The following SP4 variants were observed in gnomAD, a reference collection of about 807,000 sequenced individuals.
SP4 encodes the protein transcription factor Sp4.
In SP4, 19 loss-of-function variants were observed where a neutral mutation model predicts 72.8. That is an observed-to-expected ratio of 0.26 (90% confidence interval 0.18 to 0.38). SP4 has a LOEUF of 0.38. Ranked by LOEUF, SP4 falls within the 10% of genes least tolerant of loss-of-function variation. The probability of loss-of-function intolerance (pLI) is 1.00; values close to 1 mark genes in which losing one functional copy is unlikely to be tolerated. For missense variants in SP4, 1,008 were observed against 926.3 expected (o/e 1.09, Z -1.14); for synonymous variants, 395 against 333.1 (o/e 1.19, Z -2.02).
intron 3 of SP4, among the ~76,000 whole-genome samples, chr7:21,452,187 A>G (rs902412132): frequency 6.6e-6 from 1 of 152,240 alleles, no homozygotes; most frequent in Admixed American, 6.5e-5. Context: ...ATTTTTATTA[A>G]GAACAAATTA....
At chr7:21,462,051 C>G (rs113372304) in intron 3 of SP4, among the ~76,000 whole-genome samples, 1 of 125,852 alleles carries the variant, frequency 7.9e-6, no homozygotes, top group African/African-American at 3.1e-5. Context: ...TTTTTGAAGA[C>G]AGGATCTCAC....
At chr7:21,462,582 T>G (rs1340392187) in intron 3 of SP4, among the ~76,000 whole-genome samples, 4 of 151,806 alleles carry the variant, frequency 2.6e-5, no homozygotes, top group African/African-American at 9.7e-5. Context: ...ATCTGGAGAT[T>G]GGTCCTGAGA....
intron 3 of SP4, among the ~76,000 whole-genome samples, chr7:21,476,449 T>A (rs979192814): frequency 1.3e-5 from 2 of 152,130 alleles, no homozygotes; most frequent in Admixed American, 6.6e-5. Context: ...ATAACATGAA[T>A]GAATAAAGTA....
chr7:21,498,374 C>T (rs1257833836), intron 5 of SP4, among the ~76,000 whole-genome samples: 2 of 152,114 alleles, frequency 1.3e-5, no homozygotes, highest in Non-Finnish European at 2.9e-5. Flanking sequence ...GTCCTGGGAC[C>T]AATCCTAGTG....
intron 3 of SP4, among the ~76,000 whole-genome samples, chr7:21,460,985 C>A (rs6968904): frequency 0.16 from 23,617 of 150,852 alleles, 3,855 homozygotes; most frequent in East Asian, 0.62. Flanking sequence ...TGGTGCATTT[C>A]CAAACCTTGA....
At chr7:21,470,990 G>A in intron 3 of SP4, 1 of 515,134 alleles carries the variant, frequency 1.9e-6, no homozygotes, top group Non-Finnish European at 4.0e-6. Context: ...TCTGTAAGAT[G>A]AATAGACTTT....
At chr7:21,477,677 A>C (rs560619268) in intron 4 of SP4, among the ~76,000 whole-genome samples, 1 of 151,784 alleles carries the variant, frequency 6.6e-6, no homozygotes, top group South Asian at 2.1e-4. Flanking sequence ...GCTGGGATTA[A>C]GTACAGGTGC....
intron 3 of SP4, among the ~76,000 whole-genome samples, chr7:21,453,369 A>AAC (rs1562596387): frequency 1.3e-5 from 2 of 152,250 alleles, no homozygotes; most frequent in African/African-American, 4.8e-5. Context: ...AAAACAAGGT[A>AAC]ACAATTATCT....
chr7:21,479,031 G>A (rs1784598755), intron 4 of SP4, among the ~76,000 whole-genome samples: 1 of 150,646 alleles, frequency 6.6e-6, no homozygotes, highest in Admixed American at 6.6e-5. Context: ...TCGCGCCACT[G>A]CACTCCAGCC....
chr7:21,468,702 A>T (rs190043362), intron 3 of SP4, among the ~76,000 whole-genome samples: 13 of 152,080 alleles, frequency 8.5e-5, no homozygotes, highest in Middle Eastern at 3.4e-3. Flanking sequence ...CAGTTTCGTT[A>T]CTTCCTTTTA....
intron 5 of SP4, among the ~76,000 whole-genome samples, chr7:21,506,353 C>T (rs10254858): frequency 0.035 from 5,352 of 152,198 alleles, 336 homozygotes; most frequent in East Asian, 0.26. Context: ...CTCCTGCCCC[C>T]GACTAGTCTT....
intron 2 of SP4, 27 bp downstream of exon 2, chr7:21,428,819 C>T (rs1472439572): frequency 1.3e-6 from 2 of 1,510,528 alleles, no homozygotes; most frequent in Non-Finnish European, 9.0e-7. Context: ...TAAAAAAATT[C>T]ATCACGACAC....
chr7:21,463,849 T>C (rs962290168), intron 3 of SP4, among the ~76,000 whole-genome samples: 3 of 152,232 alleles, frequency 2.0e-5, no homozygotes, highest in African/African-American at 2.4e-5. Context: ...ATAGATTTAT[T>C]TGATCTTTAT....
intron 5 of SP4, among the ~76,000 whole-genome samples, chr7:21,505,370 G>A (rs78974870): frequency 4.5e-4 from 68 of 152,294 alleles, no homozygotes; most frequent in African/African-American, 1.5e-3. Flanking sequence ...GGTGGTTTCT[G>A]ATACCTCGGT....
intron 5 of SP4, among the ~76,000 whole-genome samples, chr7:21,506,927 T>G (rs1439680541): frequency 1.3e-5 from 2 of 152,176 alleles, no homozygotes; most frequent in Non-Finnish European, 2.9e-5. Flanking sequence ...ATCCTACATT[T>G]GGGCGCAGTC....
chr7:21,459,820 T>G (rs2128401532), intron 3 of SP4, among the ~76,000 whole-genome samples: 1 of 152,364 alleles, frequency 6.6e-6, no homozygotes, highest in South Asian at 2.1e-4. Flanking sequence ...GACTTATTCC[T>G]TAAATTCCTA....
At chr7:21,483,095 T>C (rs17144492) in intron 5 of SP4, among the ~76,000 whole-genome samples, 4,353 of 152,196 alleles carry the variant, frequency 0.029, 80 homozygotes, top group African/African-American at 0.053. Flanking sequence ...CACTTTGTGC[T>C]CACCAGTACC....
intron 3 of SP4, among the ~76,000 whole-genome samples, chr7:21,442,237 G>A (rs1217156558): frequency 1.3e-5 from 2 of 151,654 alleles, no homozygotes; most frequent in African/African-American, 2.4e-5. Flanking sequence ...GGGGAGTTTC[G>A]CCATGTTGGC....
At chr7:21,459,894 G>C (rs1355947010) in intron 3 of SP4, among the ~76,000 whole-genome samples, 1 of 152,132 alleles carries the variant, frequency 6.6e-6, no homozygotes, top group African/African-American at 2.4e-5. Flanking sequence ...CTTCCAAAAG[G>C]TTATGTTCCA....
Sources: gnomAD v4.1 joint callset for allele counts (sites outside exome capture counted in the v4.1 genomes callset) on GRCh38, gnomAD v4.1.1 for gene constraint, MANE v1.5 for transcripts, NCBI Gene and HGNC (gene_info 2026-07-23, HGNC 2026-07-21) for gene names.